Variants in STK31 observed in about 807,000 individuals in gnomAD.
STK31 encodes serine/threonine-protein kinase 31.
STK31 carries 89 observed loss-of-function variants against 129.7 expected under a neutral mutation model. The observed-to-expected ratio is 0.69, with a 90% confidence interval of 0.58 to 0.82. The LOEUF (loss-of-function observed/expected upper bound fraction) is 0.82. STK31 is among the 40% of genes least tolerant of loss of function. The pLI, the probability that STK31 is intolerant of heterozygous loss-of-function variation, is 0.00. For synonymous variants in STK31, 448 were observed against 395.3 expected (o/e 1.13, Z -1.58); for missense variants, 1,187 against 1,176.4 (o/e 1.01, Z -0.13).
chr7:23,786,450 TATAATTA>T (rs1433639765), intron 18 of STK31, 51 bp from the exon 19 acceptor site: 1 of 1,517,220 alleles, frequency 6.6e-7, no homozygotes, highest in Non-Finnish European at 8.8e-7. Flanking sequence ...TGGAATGATG[TATAATTA>T]TAATGAGATT....
chr7:23,803,307 C>T (rs1792494054), intron 22 of STK31, among the ~76,000 whole-genome samples: 1 of 152,030 alleles, frequency 6.6e-6, no homozygotes, highest in Admixed American at 6.6e-5. Flanking sequence ...GAAGCATTAT[C>T]AAAAGATTTT....
At chr7:23,790,985 A>G (rs1791582130) in intron 22 of STK31, 39 bp downstream of exon 22, 2 of 1,355,778 alleles carry the variant, frequency 1.5e-6, no homozygotes, top group South Asian at 1.9e-5. Context: ...ATATATATAT[A>G]TATTTCAGTA....
chr7:23,736,318 T>G (rs1180641406), intron 7 of STK31, among the ~76,000 whole-genome samples: 1 of 152,340 alleles, frequency 6.6e-6, no homozygotes, highest in South Asian at 2.1e-4. Flanking sequence ...TTTCTTCTTC[T>G]TGTGAAAACT....
chr7:23,810,063 T>C (rs1055508571), intron 22 of STK31, among the ~76,000 whole-genome samples: 1 of 152,172 alleles, frequency 6.6e-6, no homozygotes, highest in African/African-American at 2.4e-5. Flanking sequence ...CAACTCTATC[T>C]TGTGGTTTAA....
intron 22 of STK31, among the ~76,000 whole-genome samples, chr7:23,804,615 A>T (rs1181380548): frequency 1.3e-5 from 2 of 152,120 alleles, no homozygotes; most frequent in East Asian, 3.8e-4. Context: ...CTCTTAATAT[A>T]TTTCTAGGAG....
intron 9 of STK31, 50 bp downstream of exon 9, chr7:23,752,882 CAATT>C (rs764781152): frequency 7.3e-6 from 9 of 1,227,956 alleles, no homozygotes; most frequent in Non-Finnish European, 8.2e-6. Flanking sequence ...AATTTTTAAT[CAATT>C]GGTGCTTTGT....
At chr7:23,768,106 A>C (rs1789946061) in intron 11 of STK31, among the ~76,000 whole-genome samples, 3 of 152,078 alleles carry the variant, frequency 2.0e-5, no homozygotes. Context: ...AAGTACAGTC[A>C]AGGGCTGCAT....
chr7:23,796,887 C>T (rs1007593577), intron 22 of STK31, among the ~76,000 whole-genome samples: 2 of 151,682 alleles, frequency 1.3e-5, no homozygotes, highest in Non-Finnish European at 2.9e-5. Context: ...CAAAGACACA[C>T]ATAGGCTCAA....
At chr7:23,714,195 G>C (rs1229865017) in intron 3 of STK31, among the ~76,000 whole-genome samples, 1 of 152,114 alleles carries the variant, frequency 6.6e-6, no homozygotes, top group African/African-American at 2.4e-5. Flanking sequence ...AGAAAACTTG[G>C]GGCAAATTCG....
chr7:23,734,828 G>A (rs930812404), intron 6 of STK31, among the ~76,000 whole-genome samples: 2 of 152,114 alleles, frequency 1.3e-5, no homozygotes, highest in African/African-American at 4.8e-5. Flanking sequence ...AGGCAGGTGT[G>A]GTGGTGTGTG....
chr7:23,803,613 A>G (rs962589847), intron 22 of STK31, among the ~76,000 whole-genome samples: 1 of 152,170 alleles, frequency 6.6e-6, no homozygotes, highest in Non-Finnish European at 1.5e-5. Context: ...GTTTGGGGGT[A>G]CATATGCAGG....
chr7:23,788,556 T>C (rs1376959459), intron 21 of STK31, among the ~76,000 whole-genome samples: 6 of 152,146 alleles, frequency 3.9e-5, no homozygotes, highest in Non-Finnish European at 8.8e-5. Flanking sequence ...CTTGGACTTT[T>C]TAGTTTAAAT....
chr7:23,802,978 GTTTCT>G (rs1451285593), intron 22 of STK31, among the ~76,000 whole-genome samples: 3 of 151,878 alleles, frequency 2.0e-5, no homozygotes, highest in African/African-American at 7.3e-5. Context: ...ATTTTCTCTG[GTTTCT>G]TTTATCAACG....
intron 21 of STK31, among the ~76,000 whole-genome samples, chr7:23,790,316 G>A (rs943917892): frequency 6.6e-6 from 1 of 152,004 alleles, no homozygotes; most frequent in African/African-American, 2.4e-5. Flanking sequence ...TAAAGCCCTC[G>A]GTCCCACAGC....
At chr7:23,734,771 C>T (rs966407950) in intron 6 of STK31, among the ~76,000 whole-genome samples, 2 of 152,110 alleles carry the variant, frequency 1.3e-5, no homozygotes, top group African/African-American at 4.8e-5. Flanking sequence ...TTGAGACCAG[C>T]TCAACTGACA....
intron 16 of STK31, among the ~76,000 whole-genome samples, chr7:23,782,808 T>C (rs1398414291): frequency 6.6e-6 from 1 of 152,236 alleles, no homozygotes; most frequent in Non-Finnish European, 1.5e-5. Context: ...GTGTTCTTAA[T>C]ATTTTGAGAA....
intron 10 of STK31, among the ~76,000 whole-genome samples, chr7:23,756,913 C>T (rs908762422): frequency 2.0e-5 from 3 of 152,004 alleles, no homozygotes; most frequent in African/African-American, 7.3e-5. Flanking sequence ...TGAGGATTTT[C>T]GCATCGATGT....
chr7:23,731,076 G>GT (rs1256099671), intron 6 of STK31, among the ~76,000 whole-genome samples: 2 of 151,222 alleles, frequency 1.3e-5, no homozygotes, highest in African/African-American at 2.4e-5. Context: ...TAGAGGTGGG[G>GT]TTTCACCATG....
intron 15 of STK31, among the ~76,000 whole-genome samples, chr7:23,776,120 T>A (rs1213049373): frequency 2.0e-5 from 3 of 152,280 alleles, no homozygotes; most frequent in Admixed American, 6.5e-5. Flanking sequence ...GTTTATGTGA[T>A]GCATTCTGTT....
Sources: allele counts gnomAD v4.1 joint callset (sites outside exome capture counted in the v4.1 genomes callset), GRCh38; gene constraint gnomAD v4.1.1; transcripts MANE v1.5; gene names NCBI Gene and HGNC (gene_info 2026-07-23, HGNC 2026-07-21).